The following GFRA2 variants were observed in gnomAD, a reference collection of about 807,000 sequenced individuals.
The protein encoded by GFRA2 is GDNF family receptor alpha 2.
Under a neutral mutation model 48.3 loss-of-function variants are expected in GFRA2, and 17 were observed. The ratio of observed to expected loss-of-function variants is 0.35; its 90% CI spans 0.24 to 0.53. GFRA2 has a LOEUF of 0.53. Ranked by LOEUF, GFRA2 falls within the 20% of genes least tolerant of loss-of-function variation. The probability of loss-of-function intolerance (pLI) is 0.93; values close to 1 mark genes in which losing one functional copy is unlikely to be tolerated. For synonymous variants in GFRA2, 305 were observed against 257.2 expected (o/e 1.19, Z -1.78); for missense variants, 660 against 637.3 (o/e 1.04, Z -0.38).
chr8:21,697,506 C>A (rs1297320458), intron 7 of GFRA2, among the ~76,000 whole-genome samples: 2 of 151,986 alleles, frequency 1.3e-5, no homozygotes, highest in African/African-American at 4.8e-5. Context: ...CAGCAGCTGA[C>A]CTTTCCTGAA....
chr8:21,803,185 T>C (rs1194280237), intron 2 of GFRA2, among the ~76,000 whole-genome samples: 3 of 152,170 alleles, frequency 2.0e-5, no homozygotes, highest in South Asian at 2.1e-4. Flanking sequence ...TGCATTATCA[T>C]CCTGCAGCTG....
chr8:21,803,609 G>T (rs963029833), intron 2 of GFRA2, among the ~76,000 whole-genome samples: 5 of 152,192 alleles, frequency 3.3e-5, no homozygotes, highest in Admixed American at 2.0e-4. Context: ...GATGAGCACA[G>T]AGTTAACACA....
At chr8:21,693,813 G>GAGAGA (rs1178118127) in intron 8 of GFRA2, among the ~76,000 whole-genome samples, 1 of 150,722 alleles carries the variant, frequency 6.6e-6, no homozygotes, top group Non-Finnish European at 1.5e-5. Flanking sequence ...GGAAGGGGAG[G>GAGAGA]GGAGGGGAGA....
At chr8:21,785,789 C>T (rs1807241806) in intron 1 of GFRA2, among the ~76,000 whole-genome samples, 1 of 152,254 alleles carries the variant, frequency 6.6e-6, no homozygotes, top group African/African-American at 2.4e-5. Flanking sequence ...CATGGGTTAT[C>T]CAGCCCAGAC....
chr8:21,739,409 CAG>C (rs879562575), intron 4 of GFRA2, among the ~76,000 whole-genome samples: 2 of 152,186 alleles, frequency 1.3e-5, no homozygotes, highest in African/African-American at 4.8e-5. Context: ...ATCAAGATCA[CAG>C]AGTTAGTTAT....
At chr8:21,792,030 C>T (rs1437070900), upstream of GFRA2, among the ~76,000 whole-genome samples, 1 of 152,212 alleles carries the variant, frequency 6.6e-6, no homozygotes, top group Non-Finnish European at 1.5e-5. Flanking sequence ...AGCTGAGCCT[C>T]CTGCCCACAG....
intron 4 of GFRA2, among the ~76,000 whole-genome samples, chr8:21,708,131 T>C (rs891907079): frequency 1.1e-4 from 16 of 152,074 alleles, no homozygotes; most frequent in African/African-American, 3.4e-4. Context: ...CCTGGAGCCC[T>C]TGAAGGCCCT....
chr8:21,752,737 C>A (rs548018480), intron 3 of GFRA2, among the ~76,000 whole-genome samples: 1 of 152,252 alleles, frequency 6.6e-6, no homozygotes, highest in African/African-American at 2.4e-5. Flanking sequence ...TATTTCCCCC[C>A]AAAACCTGGG....
At chr8:21,703,228 G>T (rs1049461964) in intron 6 of GFRA2, among the ~76,000 whole-genome samples, 2 of 152,160 alleles carry the variant, frequency 1.3e-5, no homozygotes, top group African/African-American at 4.8e-5. Context: ...AAGTGTACAT[G>T]ATGGGGAACA....
chr8:21,805,380 T>C (rs746239434), intron 1 of GFRA2, among the ~76,000 whole-genome samples: 3 of 152,166 alleles, frequency 2.0e-5, no homozygotes, highest in Non-Finnish European at 4.4e-5. Context: ...ACACATATTT[T>C]CCCTATGCTA....
In GFRA2 at chr8:21,777,610, T is replaced by C. The variant is rs200394757; in HGVS notation, c.356-2555A>G. On this transcript the variant is annotated intron_variant, in intron 2 of 8. Coordinates refer to ENST00000524240, the MANE Select transcript of GFRA2 (RefSeq NM_001495.5). ...ACCTTCGGACCAAAGAACCCTGAATTTCAGTGTCACCTTTGCAGAAGGCAA... is the reference window on the plus strand; with the variant it reads ...ACCTTCGGACCAAAGAACCCTGAATCTCAGTGTCACCTTTGCAGAAGGCAA... 5.2e-3 allele frequency among the ~76,000 whole-genome samples: 792 copies of C among 152,268 alleles called. 48 individuals are homozygous for C. The East Asian group carries it at 0.13, about 26-fold the overall frequency.
Position 21,741,931 on chromosome 8 carries a change from AAAAAG to A in GFRA2, c.794+8652_794+8656del, listed in dbSNP as rs1366844181. Among the ~76,000 whole-genome samples the A allele has an allele frequency of 9.8e-4, 147 of 150,222 alleles. 1 individual carries two copies. The highest frequency in any genetic ancestry group is 1.7e-3 in the Non-Finnish European group (114 of 67,984). ...GCAAGACTCCATCTCAAAAAAAAAA[AAAAAG>A]AAAGAAAGAAAGAAAGATGCCAATG... On this transcript the variant is annotated intron_variant, in intron 4 of 8. Coordinates refer to ENST00000524240, the MANE Select transcript of GFRA2 (RefSeq NM_001495.5).
intron 3 of GFRA2, among the ~76,000 whole-genome samples, chr8:21,774,151 C>T (rs1806572172): frequency 1.3e-5 from 2 of 151,834 alleles, no homozygotes; most frequent in Non-Finnish European, 2.9e-5. Flanking sequence ...GGAGCTCACC[C>T]CCCACCCCCA....
chr8:21,787,408 G>A (rs1225696156), intron 1 of GFRA2, among the ~76,000 whole-genome samples: 13 of 152,236 alleles, frequency 8.5e-5, no homozygotes, highest in African/African-American at 3.1e-4. Flanking sequence ...GGGGGTCCGC[G>A]GCCCCCAGAG....
intron 2 of GFRA2, among the ~76,000 whole-genome samples, chr8:21,777,990 G>T (rs967746757): frequency 6.6e-6 from 1 of 152,130 alleles, no homozygotes; most frequent in South Asian, 2.1e-4. Flanking sequence ...CCCCACTGCC[G>T]CCACGGGCTC....
chr8:21,784,178 G>A (rs1807153965), intron 1 of GFRA2: 5 of 409,040 alleles, frequency 1.2e-5, no homozygotes, highest in South Asian at 8.3e-5. Context: ...GAACGGCAGG[G>A]ACAGGCTCGC....
chr8:21,738,835 C>T (rs1488717612), intron 4 of GFRA2, among the ~76,000 whole-genome samples: 4 of 152,198 alleles, frequency 2.6e-5, no homozygotes, highest in Non-Finnish European at 4.4e-5. Flanking sequence ...GGAAGGTCTG[C>T]GGTTCACTCC....
intron 4 of GFRA2, among the ~76,000 whole-genome samples, chr8:21,727,773 G>T (rs1025479731): frequency 6.6e-6 from 1 of 152,152 alleles, no homozygotes; most frequent in African/African-American, 2.4e-5. Flanking sequence ...TTACCACCGC[G>T]GTCTCTCCGC....
intron 4 of GFRA2, among the ~76,000 whole-genome samples, chr8:21,747,505 G>A (rs1393992485): frequency 6.6e-6 from 1 of 152,056 alleles, no homozygotes; most frequent in African/African-American, 2.4e-5. Flanking sequence ...CTTCTTCACA[G>A]AGCTTTCCCT....
Sources: gnomAD v4.1 joint callset for allele counts (sites outside exome capture counted in the v4.1 genomes callset) on GRCh38, gnomAD v4.1.1 for gene constraint, MANE v1.5 for transcripts, NCBI Gene and HGNC (gene_info 2026-07-23, HGNC 2026-07-21) for gene names.